LTA: variants seen among roughly 807,000 people sequenced by gnomAD.
The protein encoded by LTA is lymphotoxin alpha, also known as lymphotoxin-alpha.
A neutral mutation model predicts 15.1 loss-of-function variants in LTA; 6 were observed. The observed-to-expected ratio is 0.40, with a 90% CI of 0.22 to 0.78. LTA has a LOEUF of 0.78. LTA is among the 30% of genes least tolerant of loss of function. The pLI is 0.38. For missense variants in LTA, 173 were observed against 249.5 expected, an observed-to-expected ratio of 0.69 and a Z score of 2.06; for synonymous variants, 87 against 107.3, an observed-to-expected ratio of 0.81 and a Z score of 1.17.
chr6:31,571,099 C>T (rs1245063036), upstream of LTA, among the ~76,000 whole-genome samples: 2 of 149,776 alleles, frequency 1.3e-5, no homozygotes, highest in Non-Finnish European at 3.0e-5. Flanking sequence ...CTTGCTCTGT[C>T]CCCCAGGCTG....
upstream of LTA, among the ~76,000 whole-genome samples, chr6:31,569,874 G>T (rs552546741): frequency 3.9e-4 from 60 of 152,200 alleles, no homozygotes; most frequent in African/African-American, 1.4e-3. Context: ...TCCAGAAGAG[G>T]TTCTGCCCTA....
upstream of LTA, among the ~76,000 whole-genome samples, chr6:31,567,201 A>G (rs1770611169): frequency 1.3e-5 from 2 of 152,002 alleles, no homozygotes; most frequent in Admixed American, 1.3e-4. Flanking sequence ...AGGCTGAAGC[A>G]GGAGAATCGC....
upstream of LTA, among the ~76,000 whole-genome samples, chr6:31,567,378 C>G (rs1417421785): frequency 1.3e-5 from 2 of 151,994 alleles, no homozygotes; most frequent in Non-Finnish European, 2.9e-5. Flanking sequence ...CAGCATAGAC[C>G]CTGTCTCAAC....
chr6:31,573,008 C>A lies in LTA; in HGVS notation c.180C>A (p.Thr60=), dbSNP rs758767955. 23 of 1,612,532 alleles carry A rather than the reference C, an allele frequency of 1.4e-5. No individual in the cohort carries two copies. The highest frequency in any genetic ancestry group is 1.9e-5 in the Non-Finnish European group (22 of 1,179,844). Residue 60 remains threonine, a synonymous_variant, in exon 3 of 4, where the codon ACC becomes ACA. Transcript: ENST00000418386. ...CCAAGATGCATCTTGCCCACAGCAC[C>A]CTCAAACCTGCTGCTCACCTCATTG... The part of the protein sequence containing the change: ...QHPKMHLAHS[T]LKPAAHLIGD...
the LTA span, among the ~76,000 whole-genome samples, chr6:31,566,953 G>GA: frequency 2.7e-5 from 4 of 148,762 alleles, no homozygotes; most frequent in Non-Finnish European, 4.5e-5. Flanking sequence ...AAAAAAGAAA[G>GA]AAAAAAAATC....
At chr6:31,573,075 C>T in intron 3 of LTA, 42 bp downstream of exon 3, 1 of 1,515,182 alleles carries the variant, frequency 6.6e-7, no homozygotes, top group Non-Finnish European at 9.1e-7. Context: ...CCCACCAGCT[C>T]TCCTCCTACC....
At chr6:31,562,514 C>A in the LTA span, among the ~76,000 whole-genome samples, 1 of 152,104 alleles carries the variant, frequency 6.6e-6, no homozygotes, top group East Asian at 1.9e-4. Context: ...AAGGAAGGAT[C>A]TTTTTTGTTG....
upstream of LTA, among the ~76,000 whole-genome samples, chr6:31,569,908 A>G (rs1225826885): frequency 6.6e-6 from 1 of 152,192 alleles, no homozygotes; most frequent in Non-Finnish European, 1.5e-5. Context: ...GGAATGCTGT[A>G]CAGAGAGACC....
chr6:31,561,998 T>C, the LTA span, among the ~76,000 whole-genome samples: 1 of 151,550 alleles, frequency 6.6e-6, no homozygotes, highest in Admixed American at 6.6e-5. Context: ...GGTTGAGCCT[T>C]TGAGTGGACA....
At chr6:31,569,014 TG>T (rs1770704977), upstream of LTA, among the ~76,000 whole-genome samples, 1 of 151,886 alleles carries the variant, frequency 6.6e-6, no homozygotes, top group African/African-American at 2.4e-5. Flanking sequence ...TTTTGTTTTT[TG>T]GTTTGTTTGT....
chr6:31,573,441 C>T lies in LTA; in HGVS notation c.366C>T (p.Pro122=), dbSNP rs1366559441. 7 of 1,614,022 alleles carry T rather than the reference C, an allele frequency of 4.3e-6. No homozygotes were observed. Among genetic ancestry groups the T allele is most frequent in the Non-Finnish European group, 5.9e-6 (7 of 1,180,018 alleles). ...TCTTCTCTGGGAAAGCCTACTCTCC[C>T]AAGGCCACCTCCTCCCCACTCTACC... ...QVVFSGKAYS[P]KATSSPLYLA... is the part of the protein sequence containing the mutation. The change falls in exon 4 of 4, where the codon CCC becomes CCT. Residue 122 remains proline, a synonymous_variant. Transcript: ENST00000418386.
chr6:31,565,497 A>G, the LTA span, among the ~76,000 whole-genome samples: 5 of 152,318 alleles, frequency 3.3e-5, no homozygotes, highest in East Asian at 3.9e-4. Context: ...GATGCACAAG[A>G]TAAGTTCCAT....
At position 31,573,299 on chromosome 6, in the gene LTA, A is replaced by G; in HGVS notation, c.224A>G (p.Asn75Ser). ...AHLIGDPSKQ[N>S]SLLWRANTDR... The stretch of plus-strand genomic sequence containing the variant: ...TTCCTAGGAGACCCCAGCAAGCAGA[A>G]CTCACTGCTCTGGAGAGCAAACACG... Residue 75 changes from asparagine (N) to serine (S), a missense_variant, in exon 4 of 4, where the codon AAC (asparagine) becomes AGC (serine). Coordinates refer to ENST00000418386, the MANE Select transcript of LTA (RefSeq NM_000595.4). 6.2e-7 allele frequency: 1 copy of G among 1,612,958 alleles called. No homozygotes were observed. Among genetic ancestry groups the G allele is most frequent in the Non-Finnish European group, 8.5e-7 (1 of 1,179,486 alleles).
chr6:31,561,890 C>T, the LTA span, among the ~76,000 whole-genome samples: 1 of 152,036 alleles, frequency 6.6e-6, no homozygotes, highest in Admixed American at 6.6e-5. Flanking sequence ...GAGGTACCAG[C>T]ATGACTCTCA....
At chr6:31,567,902 CAG>C (rs955089226), upstream of LTA, among the ~76,000 whole-genome samples, 15 of 152,246 alleles carry the variant, frequency 9.9e-5, no homozygotes, top group African/African-American at 3.6e-4. Flanking sequence ...CCAGCCTTTG[CAG>C]TAGCTGCTCC....
chr6:31,569,010 T>G (rs1770704584), upstream of LTA, among the ~76,000 whole-genome samples: 1 of 151,530 alleles, frequency 6.6e-6, no homozygotes, highest in Admixed American at 6.6e-5. Context: ...TTTGTTTTGT[T>G]TTTTGGTTTG....
chr6:31,568,437 G>C (rs1770684862), upstream of LTA, among the ~76,000 whole-genome samples: 1 of 152,128 alleles, frequency 6.6e-6, no homozygotes, highest in Non-Finnish European at 1.5e-5. This position sits in a 1 kb window ranked among gnomAD's most constrained non-coding sequence, Gnocchi z 4.1. Flanking sequence ...ATTGGGATGT[G>C]TTTAGATTTA....
At position 31,572,789 on chromosome 6, in the gene LTA, C is replaced by T; in HGVS notation, c.47C>T (p.Thr16Ile). ...TTCCTCCCAAGGGTGTGTGGCACCA[C>T]CCTACACCTCCTCCTTCTGGGGCTG... ...RLFLPRVCGT[T>I]LHLLLLGLLL... The change falls in exon 2 of 4, where the codon ACC becomes ATC. Residue 16 changes from threonine to isoleucine, a missense_variant. Thr to Ile is a moderately conservative substitution (Grantham distance 89, BLOSUM62 -1). Transcript: ENST00000418386. 1 of 1,611,450 alleles carries T rather than the reference C, an allele frequency of 6.2e-7. No homozygotes were observed. The highest frequency in any genetic ancestry group is 8.5e-7 in the Non-Finnish European group (1 of 1,179,894).
chr6:31,572,701 A>G, intron 1 of LTA, 33 bp from the exon 2 acceptor site: 3 of 1,411,198 alleles, frequency 2.1e-6, no homozygotes, highest in Non-Finnish European at 3.0e-6. Flanking sequence ...CGCCCCGCTC[A>G]CTGTCTCTCT....
Sources: allele counts gnomAD v4.1 joint callset (sites outside exome capture counted in the v4.1 genomes callset), GRCh38; gene constraint gnomAD v4.1.1; non-coding constraint Gnocchi (gnomAD v3.1); transcripts MANE v1.5; gene names NCBI Gene and HGNC (gene_info 2026-07-23, HGNC 2026-07-21).